Variants in CFHR4 observed in about 807,000 individuals in gnomAD.
CFHR4 encodes complement factor H-related protein 4.
A neutral mutation model predicts 69.3 loss-of-function variants in CFHR4; 64 were observed. The ratio of observed to expected loss-of-function variants is 0.92; its 90% CI spans 0.76 to 1.14. CFHR4 has a LOEUF of 1.14. CFHR4 is among the 50% of genes most tolerant of loss of function. The probability of loss-of-function intolerance (pLI) is 0.00; values close to 1 mark genes in which losing one functional copy is unlikely to be tolerated. For missense variants in CFHR4, 636 were observed against 684.9 expected, an observed-to-expected ratio of 0.93 and a Z score of 0.80; for synonymous variants, 244 against 237.0, an observed-to-expected ratio of 1.03 and a Z score of -0.27.
intron 2 of CFHR4, among the ~76,000 whole-genome samples, chr1:196,904,720 C>T (rs1454359018): frequency 1.3e-5 from 2 of 151,476 alleles, no homozygotes; most frequent in African/African-American, 4.9e-5. Flanking sequence ...GCAGTGTGTA[C>T]TGTATCTTTG....
At position 196,910,395 on chromosome 1, in the gene CFHR4, A is replaced by G. The variant is rs1163128273; in HGVS notation, c.914A>G (p.Gln305Arg). Residue 305 changes from glutamine to arginine, a missense_variant, in exon 6 of 10, where the codon CAA becomes CGA. Transcript: ENST00000608469. ...TGQSYSYYCDQNFVTPSGSYW... is the reference protein window; with the variant it reads ...TGQSYSYYCDRNFVTPSGSYW... Reference sequence around the variant, plus strand: ...CAATCTTACTCCTATTACTGTGACCAAAATTTTGTGACTCCTTCAGGAAGT... The same window carrying G: ...CAATCTTACTCCTATTACTGTGACCGAAATTTTGTGACTCCTTCAGGAAGT... 1 of 1,612,628 alleles carries G rather than the reference A, an allele frequency of 6.2e-7. No homozygotes were observed. The highest frequency in any genetic ancestry group is 8.5e-7 in the Non-Finnish European group (1 of 1,179,546).
chr1:196,909,938 G>T (rs888451903), intron 5 of CFHR4, among the ~76,000 whole-genome samples: 10 of 151,282 alleles, frequency 6.6e-5, no homozygotes, highest in Non-Finnish European at 1.0e-4. Flanking sequence ...GATCACCTGA[G>T]GTCAGGAGTT....
At chr1:196,905,082 T>C in intron 2 of CFHR4, 26 bp from the exon 3 acceptor site, 1 of 1,556,956 alleles carries the variant, frequency 6.4e-7, no homozygotes, top group Non-Finnish European at 8.7e-7. Context: ...AAATATTTAC[T>C]TTTTTCTCTA....
chr1:196,902,196 C>T (rs964398479), intron 1 of CFHR4, among the ~76,000 whole-genome samples: 1 of 151,502 alleles, frequency 6.6e-6, no homozygotes, highest in African/African-American at 2.4e-5. Context: ...TATATGTACT[C>T]ATGGAGGGTA....
chr1:196,911,093 C>G (rs1658244806), intron 6 of CFHR4, among the ~76,000 whole-genome samples: 1 of 151,360 alleles, frequency 6.6e-6, no homozygotes, highest in African/African-American at 2.4e-5. Flanking sequence ...TCAGTTAGTC[C>G]ACTTGTTTGA....
At chr1:196,914,446 G>A (rs1385142920) in intron 7 of CFHR4, 49 bp from the exon 8 acceptor site, 1 of 1,558,848 alleles carries the variant, frequency 6.4e-7, no homozygotes, top group Non-Finnish European at 8.7e-7. Flanking sequence ...TAGTTGAGTT[G>A]TGCATCGTAT....
chr1:196,915,898 A>C (rs991084680), intron 9 of CFHR4, among the ~76,000 whole-genome samples: 1 of 151,556 alleles, frequency 6.6e-6, no homozygotes, highest in Non-Finnish European at 1.5e-5. Context: ...ACCACGAACT[A>C]TTAAATCCTC....
chr1:196,910,151 A>T (rs1439328414), intron 5 of CFHR4, 130 bp from the exon 6 acceptor site: 2 of 170,510 alleles, frequency 1.2e-5, no homozygotes, highest in Non-Finnish European at 2.2e-5. Flanking sequence ...AATTTCATCT[A>T]AAAAAAAAAA....
At chr1:196,900,945 T>C (rs1657568582) in intron 1 of CFHR4, among the ~76,000 whole-genome samples, 1 of 151,508 alleles carries the variant, frequency 6.6e-6, no homozygotes, top group Admixed American at 6.6e-5. Flanking sequence ...TAAAGACATT[T>C]ACAACATGCA....
At chr1:196,893,422 G>A (rs894242551) in intron 1 of CFHR4, among the ~76,000 whole-genome samples, 4 of 151,452 alleles carry the variant, frequency 2.6e-5, no homozygotes, top group African/African-American at 9.8e-5. Context: ...GGGGGTTGGT[G>A]GTAGAAGAGT....
chr1:196,901,622 G>A lies in CFHR4; in HGVS notation c.59-796G>A, dbSNP rs554428124. Among the ~76,000 whole-genome samples the A allele has an allele frequency of 3.3e-5, 5 of 151,174 alleles. No individual in the cohort carries two copies. The South Asian group carries it at 8.3e-4, about 25-fold the overall frequency. ...GTATTACAAGTAGTAAATTATCTCC[G>A]AATCATCCCATGGAAATGGAAACTT... On this transcript the variant is annotated intron_variant, in intron 1 of 9. Coordinates refer to ENST00000608469, the MANE Select transcript of CFHR4 (RefSeq NM_001201550.3).
Position 196,915,726 on chromosome 1 carries a change from G to T in CFHR4, c.1540+588G>T, listed in dbSNP as rs959508540. Among the ~76,000 whole-genome samples the T allele has an allele frequency of 2.6e-4, 40 of 151,576 alleles. 1 individual carries two copies. Among genetic ancestry groups the T allele is most frequent in the African/African-American group, 3.6e-4 (15 of 41,174 alleles). ...AAAAAGAAAAAACCAAGAATGTTCA[G>T]AGTCTTCAATTTGTTAATGGATACA... On this transcript the variant is annotated intron_variant, in intron 9 of 9. Coordinates refer to ENST00000608469, the MANE Select transcript of CFHR4 (RefSeq NM_001201550.3).
At chr1:196,914,056 T>C (rs1163560304) in intron 7 of CFHR4, among the ~76,000 whole-genome samples, 4 of 151,630 alleles carry the variant, frequency 2.6e-5, no homozygotes, top group Non-Finnish European at 4.4e-5. Flanking sequence ...ATAGAACTTA[T>C]ATCCAATTAA....
At chr1:196,914,454 T>C (rs1357157479) in intron 7 of CFHR4, 41 bp from the exon 8 acceptor site, 1 of 1,582,720 alleles carries the variant, frequency 6.3e-7, no homozygotes, top group Non-Finnish European at 8.6e-7. Context: ...TTGTGCATCG[T>C]ATGGCATAGA....
intron 5 of CFHR4, among the ~76,000 whole-genome samples, chr1:196,907,712 G>T (rs1657991525): frequency 6.6e-6 from 1 of 151,450 alleles, no homozygotes; most frequent in Admixed American, 6.6e-5. Context: ...AAACAGGAAT[G>T]TTCAGAGACC....
rs1658792972 is a variant in CFHR4 at position 196,918,570 on chromosome 1, T to A, written c.*164T>A. The A allele has an allele frequency of 2.8e-6, 2 of 718,156 alleles. No homozygotes were observed. The highest frequency in any genetic ancestry group is 3.0e-5 in the East Asian group (1 of 33,024). 44.5% of individuals were successfully genotyped at this position (718,156 alleles called of 1,614,324 possible). A position where few individuals can be genotyped will look rare whatever the true frequency, so the allele number is the denominator to read the frequency against. On this transcript the variant is annotated 3_prime_UTR_variant, in exon 10 of 10. Transcript: ENST00000608469. ...AACTTAATATGTTCTCAAAAATATG[T>A]TAAAACAAACTAAATTATTGCTTAT...
intron 2 of CFHR4, among the ~76,000 whole-genome samples, chr1:196,903,574 A>C (rs1344010222): frequency 6.6e-6 from 1 of 151,040 alleles, no homozygotes; most frequent in Non-Finnish European, 1.5e-5. Context: ...AATGGCTTGA[A>C]CCAGGGAGGC....
intron 1 of CFHR4, among the ~76,000 whole-genome samples, chr1:196,899,316 A>T (rs1392308309): frequency 6.6e-6 from 1 of 151,476 alleles, no homozygotes; most frequent in Non-Finnish European, 1.5e-5. Flanking sequence ...TCTTTTTAAA[A>T]CAAGGTCTTC....
intron 1 of CFHR4, among the ~76,000 whole-genome samples, chr1:196,897,360 A>G (rs1657356911): frequency 6.6e-6 from 1 of 150,958 alleles, no homozygotes. Flanking sequence ...GTGTTACAAA[A>G]CTCAGATTTG....
Sources: gnomAD v4.1 joint callset for allele counts (sites outside exome capture counted in the v4.1 genomes callset) on GRCh38, gnomAD v4.1.1 for gene constraint, MANE v1.5 for transcripts, NCBI Gene and HGNC (gene_info 2026-07-23, HGNC 2026-07-21) for gene names.